CSTF1: variants seen among roughly 807,000 people sequenced by gnomAD.
The protein encoded by CSTF1 is cleavage stimulation factor subunit 1.
Under a neutral mutation model 40.9 loss-of-function variants are expected in CSTF1, and 2 were observed. That is an observed-to-expected ratio of 0.05 (90% CI 0.02 to 0.15). The LOEUF is 0.15. Among genes scored for constraint, CSTF1 ranks in the 10% least tolerant of loss-of-function variants. The pLI, the probability that CSTF1 is intolerant of heterozygous loss-of-function variation, is 1.00. For synonymous variants in CSTF1, 218 were observed against 207.2 expected, an observed-to-expected ratio of 1.05 and a Z score of -0.45; for missense variants, 279 against 558.9, an observed-to-expected ratio of 0.50 and a Z score of 5.05.
chr20:56,404,340 C>T lies in CSTF1; in HGVS notation c.*613C>T, dbSNP rs1332402609. 6.6e-6 allele frequency: 1 copy of T among 152,276 alleles called. No homozygotes were observed. Among genetic ancestry groups the T allele is most frequent in the Non-Finnish European group, 1.5e-5 (1 of 68,106 alleles). The allele number at this position is 152,276 out of a possible 1,614,324, so 9.4% of individuals were successfully genotyped here. ...TATAGGAACAGTATCTTTCAACATA[C>T]TCCCTACATTATCCTTCAATATCTG... On this transcript the variant is annotated 3_prime_UTR_variant, in exon 6 of 6. Coordinates refer to ENST00000217109, the MANE Select transcript of CSTF1 (RefSeq NM_001324.3).
chr20:56,396,188 T>A (rs958019204), intron 2 of CSTF1, among the ~76,000 whole-genome samples: 12 of 152,216 alleles, frequency 7.9e-5, no homozygotes, highest in Non-Finnish European at 1.3e-4. Flanking sequence ...TGCTGCCCCC[T>A]TGTCAAAAAA....
Position 56,399,181 on chromosome 20 carries a change from A to G in CSTF1, c.860A>G (p.Lys287Arg). 1 of 1,614,232 alleles carries G rather than the reference A, an allele frequency of 6.2e-7. No individual in the cohort carries two copies. Among genetic ancestry groups the G allele is most frequent in the African/African-American group, 1.3e-5 (1 of 75,066 alleles). Residue 287 changes from lysine (K) to arginine (R), a missense_variant, in exon 5 of 6, where the codon AAA becomes AGA. Physicochemically the swap from Lys to Arg is conservative, Grantham distance 26. This residue lies in a region of CSTF1 where 162 missense variants were observed against 337.1 expected (regional missense o/e 0.48). Coordinates refer to ENST00000217109, the MANE Select transcript of CSTF1 (RefSeq NM_001324.3). This position sits in a 1 kb window ranked among gnomAD's most constrained non-coding sequence, Gnocchi z 4.6. ...YVTGSKDGCI[K>R]LWDGVSNRCI... ...ACTGGAAGCAAGGACGGCTGCATCA[A>G]ATTATGGGATGGTGTTTCAAATCGA... is the stretch of plus-strand genomic sequence containing the variant.
chr20:56,393,697 G>A (rs1987405838), intron 1 of CSTF1, among the ~76,000 whole-genome samples: 4 of 152,162 alleles, frequency 2.6e-5, no homozygotes, highest in South Asian at 4.1e-4. Flanking sequence ...ACGGTGAACG[G>A]AGGAAATGTA....
At chr20:56,400,736 T>C (rs990930660) in intron 5 of CSTF1, among the ~76,000 whole-genome samples, 1 of 152,158 alleles carries the variant, frequency 6.6e-6, no homozygotes, top group African/African-American at 2.4e-5. Flanking sequence ...CTGTTCCCAG[T>C]TTTAATAATT....
At chr20:56,398,765 T>C (rs1171616676) in intron 4 of CSTF1, among the ~76,000 whole-genome samples, 1 of 152,252 alleles carries the variant, frequency 6.6e-6, no homozygotes, top group East Asian at 1.9e-4. Context: ...TGGAATAATA[T>C]AACCAGTAAA....
Position 56,397,190 on chromosome 20 carries a change from A to G in CSTF1, c.170-17A>G. The G allele has an allele frequency of 1.9e-6, 3 of 1,602,304 alleles. No homozygotes were observed. The East Asian group carries it at 6.7e-5, about 36-fold the overall frequency. On this transcript the variant is annotated splice_polypyrimidine_tract_variant and intron_variant, in intron 2 of 5. Coordinates refer to ENST00000217109, the MANE Select transcript of CSTF1 (RefSeq NM_001324.3). This position sits in a 1 kb window ranked among gnomAD's most constrained non-coding sequence, Gnocchi z 4.4. The stretch of plus-strand genomic sequence containing the variant: ...AAACACTTGTTTTGTTACGCCCTTA[A>G]TTTTGATTTCTTTCAGGAATGGAAA...
chr20:56,396,826 T>C, intron 2 of CSTF1: 1 of 166,600 alleles, frequency 6.0e-6, no homozygotes, highest in Non-Finnish European at 1.3e-5. Flanking sequence ...TTAACGAGCA[T>C]CAGAGCTGCT....
chr20:56,399,646 A>G lies in CSTF1; in HGVS notation c.1036+289A>G, dbSNP rs976613661. The stretch of plus-strand genomic sequence containing the variant: ...TGAGAACCTGGTGATCCATTTGTAG[A>G]CTGGCATGCCCTCTTCCCACAGAAA... On this transcript the variant is annotated intron_variant, in intron 5 of 5. Coordinates refer to ENST00000217109, the MANE Select transcript of CSTF1 (RefSeq NM_001324.3). The surrounding 1 kb of genome is among the most constrained non-coding windows in gnomAD (Gnocchi z 4.6). Among the ~76,000 whole-genome samples the G allele has an allele frequency of 1.3e-5, 2 of 152,218 alleles. No homozygotes were observed. The highest frequency in any genetic ancestry group is 2.9e-5 in the Non-Finnish European group (2 of 68,028).
At position 56,402,694 on chromosome 20, in the gene CSTF1, T is replaced by TG. The variant is rs569956884; in HGVS notation, c.1037-771dup. On this transcript the variant is annotated intron_variant, in intron 5 of 5. Transcript: ENST00000217109. ...GCTCACACCTGTAATCCCAGCACTT[T>TG]GGGAGGCCGAAGCAGGTGGATCACA... Among the ~76,000 whole-genome samples, 287 of 152,304 alleles carry TG rather than the reference T, an allele frequency of 1.9e-3. 1 individual carries two copies. The highest frequency in any genetic ancestry group is 3.4e-3 in the Non-Finnish European group (231 of 68,022).
Position 56,397,628 on chromosome 20 carries a change from C to G in CSTF1, c.448-16C>G. 1 of 1,613,236 alleles carries G rather than the reference C, an allele frequency of 6.2e-7. No individual in the cohort carries two copies. The highest frequency in any genetic ancestry group is 8.5e-7 in the Non-Finnish European group (1 of 1,179,178). On this transcript the variant is annotated splice_polypyrimidine_tract_variant and intron_variant, in intron 3 of 5. Transcript: ENST00000217109. The surrounding 1 kb of genome is among the most constrained non-coding windows in gnomAD (Gnocchi z 4.4). ...GACACATTCTGTGCCTTGAGCATCT[C>G]TTCTTGTTGGTCTAGGTCATGATGA... is the stretch of plus-strand genomic sequence containing the variant.
intron 2 of CSTF1, among the ~76,000 whole-genome samples, chr20:56,396,532 G>T (rs955897775): frequency 6.6e-6 from 1 of 152,072 alleles, no homozygotes; most frequent in African/African-American, 2.4e-5. Context: ...ACACAGCATT[G>T]CTCTATTACT....
intron 2 of CSTF1, 76 bp downstream of exon 2, chr20:56,395,797 T>G: frequency 1.3e-6 from 2 of 1,522,116 alleles, no homozygotes; most frequent in Non-Finnish European, 1.8e-6. Flanking sequence ...TTTTCAAGAT[T>G]ATTCTTGTTT....
At position 56,397,057 on chromosome 20, in the gene CSTF1, A is replaced by C; in HGVS notation, c.170-150A>C. 1.3e-6 allele frequency: 1 copy of C among 789,260 alleles called. No individual in the cohort carries two copies. Among genetic ancestry groups the C allele is most frequent in the South Asian group, 1.8e-5 (1 of 54,090 alleles). 48.9% of individuals were successfully genotyped at this position (789,260 alleles called of 1,614,324 possible). A position where few individuals can be genotyped will look rare whatever the true frequency, so the allele number is the denominator to read the frequency against. ...TTTGAATAGCATGGGCAAAATACACAGTTTTGTAAAGTGTTAGGTGTCACG... is the reference window on the plus strand; with the variant it reads ...TTTGAATAGCATGGGCAAAATACACCGTTTTGTAAAGTGTTAGGTGTCACG... On this transcript the variant is annotated intron_variant, in intron 2 of 5. Transcript: ENST00000217109. The surrounding 1 kb of genome is among the most constrained non-coding windows in gnomAD (Gnocchi z 4.4).
At chr20:56,400,938 C>A (rs1328223337) in intron 5 of CSTF1, among the ~76,000 whole-genome samples, 1 of 152,062 alleles carries the variant, frequency 6.6e-6, no homozygotes, top group African/African-American at 2.4e-5. Flanking sequence ...ACTTGGGAGG[C>A]TGAGGCAGGA....
rs569291765 is a variant in CSTF1, at chr20:56,405,944, A to G, written c.*2217A>G. On this transcript the variant is annotated 3_prime_UTR_variant, in exon 6 of 6. Coordinates refer to ENST00000217109, the MANE Select transcript of CSTF1 (RefSeq NM_001324.3). ...CTTTGACTCACATACTAAAATGACC[A>G]CATGGCACTCCATTGAATCTTTTCA... is the stretch of plus-strand genomic sequence containing the variant. The G allele has an allele frequency of 8.5e-5, 13 of 152,358 alleles. No individual in the cohort carries two copies. The South Asian group carries it at 2.5e-3, about 29-fold the overall frequency. 9.4% of individuals were successfully genotyped at this position (152,358 alleles called of 1,614,324 possible).
At chr20:56,393,101 G>A (rs1009436682) in intron 1 of CSTF1, among the ~76,000 whole-genome samples, 3 of 150,716 alleles carry the variant, frequency 2.0e-5, no homozygotes, top group Non-Finnish European at 3.0e-5. Flanking sequence ...TGAGAAGTTA[G>A]GGGTGGGCCA....
At chr20:56,398,045 GTTT>G (rs1978320354) in intron 4 of CSTF1, among the ~76,000 whole-genome samples, 1 of 151,716 alleles carries the variant, frequency 6.6e-6, no homozygotes, top group African/African-American at 2.4e-5. Context: ...GCTGGTCAGA[GTTT>G]ATAATCTGAC....
chr20:56,399,375 GTTAC>G lies in CSTF1; in HGVS notation c.1036+22_1036+25del. On this transcript the variant is annotated intron_variant, in intron 5 of 5. Coordinates refer to ENST00000217109, the MANE Select transcript of CSTF1 (RefSeq NM_001324.3). The surrounding 1 kb of genome is among the most constrained non-coding windows in gnomAD (Gnocchi z 4.6). ...ATACACGGGTATGTGAGACGTTGATGTTACTTAACATTTCTGTAGTGTTTACACT... is the reference window on the plus strand; with the variant it reads ...ATACACGGGTATGTGAGACGTTGATGTTAACATTTCTGTAGTGTTTACACT... 6.3e-7 allele frequency: 1 copy of G among 1,590,100 alleles called. No homozygotes were observed. Among genetic ancestry groups the G allele is most frequent in the Non-Finnish European group, 8.6e-7 (1 of 1,167,768 alleles).
In CSTF1 at chr20:56,398,978, G is replaced by A. The variant is rs1234042040; in HGVS notation, c.657G>A (p.Met219Ile). 2 of 1,607,156 alleles carry A rather than the reference G, an allele frequency of 1.2e-6. No homozygotes were observed. The highest frequency in any genetic ancestry group is 1.7e-6 in the Non-Finnish European group (2 of 1,175,682). Reference protein sequence around the residue: ...RAFKYIQEAEMLRSISFHPSG... With the variant: ...RAFKYIQEAEILRSISFHPSG... ...CTCTGTCCCAACAGGAAGCTGAAAT[G>A]TTACGTTCCATCTCTTTTCATCCTT... Residue 219 changes from methionine (M) to isoleucine (I), a missense_variant, in exon 5 of 6, where the codon ATG (methionine) becomes ATA (isoleucine). By Grantham distance (10) the Met-to-Ile change is conservative (BLOSUM62 1). Transcript: ENST00000217109.
Sources: gnomAD v4.1 joint callset for allele counts (sites outside exome capture counted in the v4.1 genomes callset) on GRCh38, gnomAD v4.1.1 for gene constraint, gnomAD v4.1.1 regional missense constraint, Gnocchi (gnomAD v3.1) non-coding constraint, MANE v1.5 for transcripts, NCBI Gene and HGNC (gene_info 2026-07-23, HGNC 2026-07-21) for gene names.